PCDH9: variants seen among roughly 807,000 people sequenced by gnomAD.
PCDH9 encodes the protein protocadherin-9.
Under a neutral mutation model 70.6 loss-of-function variants are expected in PCDH9, and 24 were observed. That is an observed-to-expected ratio of 0.34 (90% CI 0.25 to 0.48). The LOEUF is 0.48. Among genes scored for constraint, PCDH9 ranks in the 20% least tolerant of loss-of-function variants. PCDH9 has a pLI of 0.99. For missense variants in PCDH9, 1,281 were observed against 1,503.6 expected (o/e 0.85, Z 2.45); for synonymous variants, 562 against 558.5 (o/e 1.01, Z -0.09).
At chr13:67,117,843 A>G (rs1166744640) in intron 2 of PCDH9, among the ~76,000 whole-genome samples, 1 of 152,164 alleles carries the variant, frequency 6.6e-6, no homozygotes, top group Non-Finnish European at 1.5e-5. Context: ...TGATTTGAGG[A>G]TTTGAAGATA....
intron 4 of PCDH9, among the ~76,000 whole-genome samples, chr13:66,472,459 C>T (rs926283614): frequency 1.3e-5 from 2 of 151,744 alleles, no homozygotes; most frequent in African/African-American, 4.8e-5. Flanking sequence ...GTAGTCCTAG[C>T]TTCAGAGGCT....
At chr13:66,944,817 CTGTGTGTGTGTGTGTGTG>C (rs67182136) in intron 2 of PCDH9, among the ~76,000 whole-genome samples, 1 of 135,450 alleles carries the variant, frequency 7.4e-6, no homozygotes, top group African/African-American at 2.8e-5. Flanking sequence ...CTAATCGTCT[CTGTGTGTGTGTGTGTGTG>C]TGTGTGTGTG....
chr13:67,087,382 G>A (rs1481085710), intron 2 of PCDH9, among the ~76,000 whole-genome samples: 1 of 152,062 alleles, frequency 6.6e-6, no homozygotes, highest in East Asian at 1.9e-4. Flanking sequence ...CTTAGTACCA[G>A]TTTTACAAAT....
At chr13:67,003,307 A>G (rs910672168) in intron 2 of PCDH9, among the ~76,000 whole-genome samples, 2 of 152,184 alleles carry the variant, frequency 1.3e-5, no homozygotes, top group African/African-American at 2.4e-5. Flanking sequence ...GATTACTAAA[A>G]AGCCATTTTA....
chr13:67,123,402 G>A (rs757883246), intron 2 of PCDH9, among the ~76,000 whole-genome samples: 5 of 152,128 alleles, frequency 3.3e-5, no homozygotes, highest in Non-Finnish European at 7.4e-5. Flanking sequence ...CTATTCACAC[G>A]TTTAAGGCAA....
At chr13:66,753,418 A>G (rs973714088) in intron 3 of PCDH9, among the ~76,000 whole-genome samples, 5 of 152,218 alleles carry the variant, frequency 3.3e-5, no homozygotes, top group South Asian at 2.1e-4. Context: ...TGCTTGATCT[A>G]ATCACTATAT....
intron 4 of PCDH9, among the ~76,000 whole-genome samples, chr13:66,586,763 C>T (rs1469098671): frequency 1.3e-5 from 2 of 152,112 alleles, no homozygotes; most frequent in Non-Finnish European, 2.9e-5. Context: ...ACTATTATTA[C>T]ACAATATGCT....
At chr13:66,830,852 T>C (rs1237017108) in intron 3 of PCDH9, among the ~76,000 whole-genome samples, 1 of 152,206 alleles carries the variant, frequency 6.6e-6, no homozygotes, top group Non-Finnish European at 1.5e-5. Flanking sequence ...TTAGTATATA[T>C]GTAAATTAGA....
At chr13:67,224,999 T>A in intron 2 of PCDH9, 7 of 1,030,094 alleles carry the variant, frequency 6.8e-6, no homozygotes, top group Non-Finnish European at 8.1e-6. Context: ...TCAAAAGTCA[T>A]TGAAAACTTG....
At chr13:67,188,548 T>C (rs1369725532) in intron 2 of PCDH9, among the ~76,000 whole-genome samples, 4 of 152,064 alleles carry the variant, frequency 2.6e-5, no homozygotes, top group Non-Finnish European at 5.9e-5. Flanking sequence ...ATAAGTTATT[T>C]ATCTATAAAA....
At chr13:66,588,015 G>C (rs2138805452) in intron 4 of PCDH9, among the ~76,000 whole-genome samples, 1 of 152,040 alleles carries the variant, frequency 6.6e-6, no homozygotes, top group Admixed American at 6.6e-5. Context: ...CTTGTTCTTT[G>C]ATATTCTGGG....
chr13:66,663,994 G>A (rs1440647402), intron 3 of PCDH9, among the ~76,000 whole-genome samples: 1 of 152,090 alleles, frequency 6.6e-6, no homozygotes, highest in African/African-American at 2.4e-5. Flanking sequence ...AGATAAAAAA[G>A]GAACTACAGA....
intron 3 of PCDH9, among the ~76,000 whole-genome samples, chr13:66,767,225 G>C (rs1238777878): frequency 6.6e-6 from 1 of 151,024 alleles, no homozygotes; most frequent in Non-Finnish European, 1.5e-5. Flanking sequence ...GTGCTGGGGA[G>C]ATGGTCTCAC....
At chr13:66,663,475 T>A (rs924911204) in intron 3 of PCDH9, among the ~76,000 whole-genome samples, 4 of 152,140 alleles carry the variant, frequency 2.6e-5, no homozygotes, top group African/African-American at 9.7e-5. Flanking sequence ...ATTTGAGAAA[T>A]AAACGTGAGG....
At chr13:66,357,201 C>T (rs1035134101) in intron 4 of PCDH9, among the ~76,000 whole-genome samples, 6 of 151,790 alleles carry the variant, frequency 4.0e-5, no homozygotes, top group Non-Finnish European at 7.4e-5. Context: ...AAAGATGCAC[C>T]AAGGTGGGCC....
intron 2 of PCDH9, among the ~76,000 whole-genome samples, chr13:67,126,063 G>T (rs1400451584): frequency 6.6e-6 from 1 of 152,148 alleles, no homozygotes; most frequent in African/African-American, 2.4e-5. Context: ...TTGAAGGTGT[G>T]AAAAAGGTTA....
chr13:66,652,543 G>A (rs939849361), intron 3 of PCDH9, among the ~76,000 whole-genome samples: 1 of 151,554 alleles, frequency 6.6e-6, no homozygotes, highest in Non-Finnish European at 1.5e-5. Flanking sequence ...TTGTTAAAAT[G>A]TACATACTAC....
intron 4 of PCDH9, among the ~76,000 whole-genome samples, chr13:66,401,290 C>T (rs923894070): frequency 2.0e-5 from 3 of 151,884 alleles, no homozygotes; most frequent in African/African-American, 7.3e-5. Context: ...GGGGGCGGTC[C>T]CCCCATGCTG....
intron 3 of PCDH9, among the ~76,000 whole-genome samples, chr13:66,796,500 G>GAATTTTATTAA: frequency 6.6e-6 from 1 of 152,148 alleles, no homozygotes; most frequent in Non-Finnish European, 1.5e-5. Flanking sequence ...GGCTTCTCTG[G>GAATTTTATTAA]TTTGAAAAAT....
Sources: allele counts gnomAD v4.1 joint callset (sites outside exome capture counted in the v4.1 genomes callset), GRCh38; gene constraint gnomAD v4.1.1; transcripts MANE v1.5; gene names NCBI Gene and HGNC (gene_info 2026-07-23, HGNC 2026-07-21).